MDGA2: variants seen among roughly 807,000 people sequenced by gnomAD.
MDGA2 encodes the protein MAM domain containing glycosylphosphatidylinositol anchor 2.
In MDGA2, 40 loss-of-function variants were observed where a neutral mutation model predicts 117.8. The observed-to-expected ratio is 0.34, with a 90% CI of 0.26 to 0.44. The LOEUF (loss-of-function observed/expected upper bound fraction) is 0.44. Among genes scored for constraint, MDGA2 ranks in the 20% least tolerant of loss-of-function variants. MDGA2 has a pLI of 1.00. For synonymous variants in MDGA2, 452 were observed against 439.0 expected (o/e 1.03, Z -0.37); for missense variants, 1,123 against 1,250.6 (o/e 0.90, Z 1.54).
chr14:46,873,964 G>A, intron 13 of MDGA2, 81 bp downstream of exon 13: 1 of 1,095,948 alleles, frequency 9.1e-7, no homozygotes, highest in Non-Finnish European at 1.3e-6. Context: ...CAAATATATG[G>A]CTAAATATTA....
chr14:47,203,736 G>T (rs1379644163), intron 3 of MDGA2, among the ~76,000 whole-genome samples: 1 of 151,992 alleles, frequency 6.6e-6, no homozygotes, highest in African/African-American at 2.4e-5. Flanking sequence ...GTGTTAAAAT[G>T]ACACACCTAG....
chr14:46,891,676 G>A (rs531232948), intron 10 of MDGA2, among the ~76,000 whole-genome samples: 19 of 151,338 alleles, frequency 1.3e-4, no homozygotes, highest in South Asian at 4.2e-4. Flanking sequence ...GTGAAATTTC[G>A]ATACATTAAA....
chr14:46,953,623 T>C (rs1246566591), intron 9 of MDGA2, among the ~76,000 whole-genome samples: 1 of 151,988 alleles, frequency 6.6e-6, no homozygotes, highest in African/African-American at 2.4e-5. Flanking sequence ...TTTTTCACAT[T>C]ATTGTCTTGC....
intron 12 of MDGA2, among the ~76,000 whole-genome samples, chr14:46,875,099 G>T (rs1882172126): frequency 6.6e-6 from 1 of 151,750 alleles, no homozygotes; most frequent in South Asian, 2.1e-4. Context: ...TTACTCATGA[G>T]GCTTTACAGA....
chr14:47,360,225 C>A (rs1049495930), intron 1 of MDGA2, among the ~76,000 whole-genome samples: 1 of 151,802 alleles, frequency 6.6e-6, no homozygotes, highest in East Asian at 1.9e-4. Flanking sequence ...GTGGTGCATG[C>A]CTGTAGTCCC....
At chr14:46,862,040 A>C (rs2138324418) in intron 14 of MDGA2, among the ~76,000 whole-genome samples, 1 of 152,150 alleles carries the variant, frequency 6.6e-6, no homozygotes, top group Non-Finnish European at 1.5e-5. Flanking sequence ...AGTAAGTTTA[A>C]ATCCCCAGAG....
intron 1 of MDGA2, among the ~76,000 whole-genome samples, chr14:47,310,344 A>C (rs1889595611): frequency 1.3e-5 from 2 of 152,154 alleles, no homozygotes; most frequent in Non-Finnish European, 1.5e-5. Context: ...AAGTCTAGGC[A>C]GTCACGCATA....
At position 47,401,799 on chromosome 14, in the gene MDGA2, GCA is replaced by G. The variant is rs528919003; in HGVS notation, c.281-100251_281-100250del. Reference sequence around the variant, plus strand: ...AAACCCCATGCCAGCCAGTGTCATTGCACAGTTTTGCTGAGTAAATTAAGTGA... The same window carrying G: ...AAACCCCATGCCAGCCAGTGTCATTGCAGTTTTGCTGAGTAAATTAAGTGA... On this transcript the variant is annotated intron_variant, in intron 1 of 16. Transcript: ENST00000399232. 2.2e-4 allele frequency among the ~76,000 whole-genome samples: 34 copies of G among 152,306 alleles called. 1 individual carries two copies. The highest frequency in any genetic ancestry group is 2.2e-3 in the Admixed American group (33 of 15,290).
chr14:47,279,297 A>T (rs1888401566), intron 2 of MDGA2, among the ~76,000 whole-genome samples: 1 of 151,984 alleles, frequency 6.6e-6, no homozygotes, highest in Non-Finnish European at 1.5e-5. Context: ...TCTATTTTCC[A>T]TTTTTATCAG....
chr14:47,336,042 A>T (rs370037744), intron 1 of MDGA2, among the ~76,000 whole-genome samples: 16 of 151,880 alleles, frequency 1.1e-4, no homozygotes, highest in African/African-American at 3.9e-4. Context: ...TCTGAGTGTG[A>T]AGCCCTAGAA....
chr14:47,538,744 T>C (rs1255239848), intron 1 of MDGA2, among the ~76,000 whole-genome samples: 2 of 152,140 alleles, frequency 1.3e-5, no homozygotes, highest in Non-Finnish European at 2.9e-5. Flanking sequence ...ATTTGAAAGG[T>C]AAAAATCCCC....
At chr14:47,472,439 C>A (rs1207647742) in intron 1 of MDGA2, among the ~76,000 whole-genome samples, 1 of 152,146 alleles carries the variant, frequency 6.6e-6, no homozygotes, top group Non-Finnish European at 1.5e-5. Context: ...AACACAATGG[C>A]ATTAGTGTAT....
In MDGA2 at chr14:47,604,496, C is replaced by CCA. The variant is rs1555335638; in HGVS notation, c.280+70020_280+70021insTG. Among the ~76,000 whole-genome samples the CCA allele has an allele frequency of 4.7e-4, 63 of 133,860 alleles. 1 individual carries two copies. Among genetic ancestry groups the CCA allele is most frequent in the African/African-American group, 1.7e-3 (61 of 35,816 alleles). 87.8% of individuals were successfully genotyped at this position (133,860 alleles called of 152,430 possible). A position where few individuals can be genotyped will look rare whatever the true frequency, so the allele number is the denominator to read the frequency against. ...CATTCACAGCTTCCCCACCCCCCCCCACCCTCACCCCCCTATAAAGACAAG... is the reference window on the plus strand; with the variant it reads ...CATTCACAGCTTCCCCACCCCCCCCCCAACCCTCACCCCCCTATAAAGACAAG... On this transcript the variant is annotated intron_variant, in intron 1 of 16. Coordinates refer to ENST00000399232, the MANE Select transcript of MDGA2 (RefSeq NM_001113498.3).
chr14:47,626,933 G>A (rs946262998), intron 1 of MDGA2, among the ~76,000 whole-genome samples: 1 of 152,264 alleles, frequency 6.6e-6, no homozygotes, highest in Admixed American at 6.5e-5. Context: ...CTGCACCCCG[G>A]TGCGGGATCC....
At chr14:47,237,350 A>C (rs1424537540) in intron 2 of MDGA2, among the ~76,000 whole-genome samples, 1 of 152,218 alleles carries the variant, frequency 6.6e-6, no homozygotes, top group East Asian at 1.9e-4. Context: ...CGGGTCTCCC[A>C]GGCCTTGCCC....
intron 2 of MDGA2, among the ~76,000 whole-genome samples, chr14:47,231,352 T>C (rs1227935263): frequency 1.3e-5 from 2 of 151,966 alleles, no homozygotes; most frequent in East Asian, 3.9e-4. Flanking sequence ...GAAAGGAAAA[T>C]GATTTTCTCA....
intron 8 of MDGA2, among the ~76,000 whole-genome samples, chr14:46,977,837 A>T (rs568120904): frequency 6.4e-4 from 80 of 124,072 alleles, no homozygotes; most frequent in African/African-American, 2.2e-3. Flanking sequence ...GGTAAAAAAA[A>T]TATCCTTGAA....
chr14:46,928,193 A>T (rs1189028474), intron 9 of MDGA2, among the ~76,000 whole-genome samples: 1 of 152,128 alleles, frequency 6.6e-6, no homozygotes, highest in Non-Finnish European at 1.5e-5. Context: ...AATCTGGAAA[A>T]CTTTTTTATG....
intron 8 of MDGA2, among the ~76,000 whole-genome samples, chr14:47,027,816 A>C (rs1267978444): frequency 6.6e-6 from 1 of 151,982 alleles, no homozygotes; most frequent in African/African-American, 2.4e-5. Context: ...ACTAAAGTAT[A>C]TTCATCCTAG....
Sources: allele counts gnomAD v4.1 joint callset (sites outside exome capture counted in the v4.1 genomes callset), GRCh38; gene constraint gnomAD v4.1.1; transcripts MANE v1.5; gene names NCBI Gene and HGNC (gene_info 2026-07-23, HGNC 2026-07-21).